The following GPNMB variants were observed in gnomAD, a reference collection of about 807,000 sequenced individuals.
The protein encoded by GPNMB is glycoprotein nmb.
In GPNMB, 71 loss-of-function variants were observed where a neutral mutation model predicts 57.3. That is an observed-to-expected ratio of 1.24 (90% CI 1.02 to 1.51). GPNMB has a LOEUF of 1.51. GPNMB is among the 40% of genes most tolerant of loss of function. GPNMB has a pLI of 0.00. For missense variants in GPNMB, 677 were observed against 691.9 expected (o/e 0.98, Z 0.24); for synonymous variants, 253 against 263.2 (o/e 0.96, Z 0.38).
At position 23,256,962 on chromosome 7, in the gene GPNMB, TG is replaced by T. The variant is rs1386952398; in HGVS notation, c.440del (p.Gly147AlafsTer46). 6.2e-7 allele frequency: 1 copy of T among 1,614,122 alleles called. No individual in the cohort carries two copies. Among genetic ancestry groups the T allele is most frequent in the Non-Finnish European group, 8.5e-7 (1 of 1,179,954 alleles). On this transcript the variant is annotated frameshift_variant, in exon 4 of 11. Transcript: ENST00000258733. LOFTEE classifies it high-confidence loss of function. ...GGTCAGAGGACAGTGACGGGGAAAA[TG>T]GCACCGGCCAAAGCCATCATAACGT... Reference protein sequence around the residue: ...AWSEDSDGENGTGQSHHNVFP... With the variant: ...AWSEDSDGENXTGQSHHNVFP...
At chr7:23,271,343 G>A (rs1374828094) in intron 9 of GPNMB, among the ~76,000 whole-genome samples, 5 of 152,206 alleles carry the variant, frequency 3.3e-5, no homozygotes, top group South Asian at 2.1e-4. Context: ...GGACCCCTGC[G>A]TTAAAGCACT....
At chr7:23,250,474 G>A (rs1782636025) in intron 1 of GPNMB, among the ~76,000 whole-genome samples, 1 of 151,978 alleles carries the variant, frequency 6.6e-6, no homozygotes, top group African/African-American at 2.4e-5. Context: ...GCTTGCCCGT[G>A]GTCCTAGCTA....
chr7:23,255,501 C>G (rs1782755822), intron 3 of GPNMB, among the ~76,000 whole-genome samples: 1 of 152,156 alleles, frequency 6.6e-6, no homozygotes, highest in South Asian at 2.1e-4. Context: ...ATTGTGAATA[C>G]TGCTGCAACA....
At chr7:23,257,407 C>T (rs1238284201) in intron 4 of GPNMB, 3 of 452,660 alleles carry the variant, frequency 6.6e-6, no homozygotes, top group Non-Finnish European at 7.9e-6. Flanking sequence ...GCATGTGGCT[C>T]ACACTTGTAA....
At chr7:23,254,803 A>G (rs1163576015) in intron 3 of GPNMB, among the ~76,000 whole-genome samples, 1 of 152,176 alleles carries the variant, frequency 6.6e-6, no homozygotes, top group African/African-American at 2.4e-5. Flanking sequence ...TAAGCTCTCT[A>G]TCTATGTTAA....
intron 7 of GPNMB, among the ~76,000 whole-genome samples, chr7:23,266,817 T>G (rs1162366805): frequency 6.6e-6 from 1 of 152,222 alleles, no homozygotes; most frequent in East Asian, 1.9e-4. Context: ...TTCCACATCC[T>G]GGTGGAAACA....
intron 3 of GPNMB, among the ~76,000 whole-genome samples, chr7:23,255,377 A>C (rs974995459): frequency 1.3e-5 from 2 of 152,174 alleles, no homozygotes; most frequent in Non-Finnish European, 2.9e-5. Flanking sequence ...AGTTCCATCC[A>C]TGTTGCTGCA....
rs945821333 is a variant in GPNMB at position 23,261,313 on chromosome 7, A to T, written c.1018+540A>T. On this transcript the variant is annotated intron_variant, in intron 6 of 10. Coordinates refer to ENST00000258733, the MANE Select transcript of GPNMB (RefSeq NM_002510.3). ...TTAGCAAGCTGCAGTGACTCCTGAC[A>T]TTAAAATTGTGCTGCATCGTATGTT... Among the ~76,000 whole-genome samples the T allele has an allele frequency of 5.9e-5, 9 of 152,316 alleles. No individual in the cohort carries two copies. The East Asian group carries it at 1.7e-3, about 29-fold the overall frequency.
At chr7:23,270,432 A>G (rs994704757) in intron 9 of GPNMB, among the ~76,000 whole-genome samples, 2 of 152,206 alleles carry the variant, frequency 1.3e-5, no homozygotes, top group Non-Finnish European at 2.9e-5. Flanking sequence ...GTGATCATGG[A>G]CCAGTAACAA....
At chr7:23,261,503 C>T (rs1782921925) in intron 6 of GPNMB, among the ~76,000 whole-genome samples, 1 of 152,118 alleles carries the variant, frequency 6.6e-6, no homozygotes, top group Non-Finnish European at 1.5e-5. Context: ...AAGCTGGAAA[C>T]CATCATTCTG....
intron 1 of GPNMB, among the ~76,000 whole-genome samples, chr7:23,252,320 C>A (rs143617277): frequency 1.3e-5 from 2 of 152,226 alleles, no homozygotes; most frequent in East Asian, 3.9e-4. Context: ...TTTTAAACAT[C>A]CAATTATATG....
intron 7 of GPNMB, 47 bp from the exon 8 acceptor site, chr7:23,267,839 T>C (rs1222323868): frequency 2.4e-6 from 3 of 1,241,430 alleles, no homozygotes; most frequent in Admixed American, 3.4e-5. Context: ...CTTTGTTTGA[T>C]TTCTGTTGTA....
At position 23,274,291 on chromosome 7, in the gene GPNMB, T is replaced by C; in HGVS notation, c.*67T>C. The C allele has an allele frequency of 1.7e-6, 2 of 1,194,972 alleles. No homozygotes were observed. The highest frequency in any genetic ancestry group is 1.2e-6 in the Non-Finnish European group (1 of 826,066). 74.0% of individuals were successfully genotyped at this position (1,194,972 alleles called of 1,614,324 possible). ...ATGTGAGATGTGCTGGAGTGGCTAT[T>C]AACCTTTTTTTCCTAAAGATTATTG... On this transcript the variant is annotated 3_prime_UTR_variant, in exon 11 of 11. Transcript: ENST00000258733.
At chr7:23,250,598 T>C (rs1318969931) in intron 1 of GPNMB, 1 of 152,048 alleles carries the variant, frequency 6.6e-6, no homozygotes, top group Admixed American at 6.6e-5. Context: ...AGCATGCTTG[T>C]GTGGGTCTAT....
intron 8 of GPNMB, 55 bp downstream of exon 8, chr7:23,268,043 C>A: frequency 9.4e-7 from 1 of 1,065,638 alleles, no homozygotes; most frequent in Non-Finnish European, 1.5e-6. Context: ...GACCTCAAGT[C>A]TGAACAAAGG....
rs34346503 is a variant in GPNMB, at chr7:23,272,846, C to CTTTTTTTTTTT, written c.1430-670_1430-660dup. 5.0e-3 allele frequency among the ~76,000 whole-genome samples: 692 copies of CTTTTTTTTTTT among 139,518 alleles called. 20 individuals carry two copies. Among genetic ancestry groups the CTTTTTTTTTTT allele is most frequent in the African/African-American group, 0.018 (662 of 36,434 alleles). 91.5% of individuals were successfully genotyped at this position (139,518 alleles called of 152,430 possible). On this transcript the variant is annotated intron_variant, in intron 9 of 10. Transcript: ENST00000258733. ...CATGGAAAACTTTAAAGGTGGTGAT[C>CTTTTTTTTTTT]TTTTTTTTTTTTTTTGAGGCAAGGT...
chr7:23,269,921 C>A, intron 8 of GPNMB, 46 bp from the exon 9 acceptor site: 1 of 1,304,446 alleles, frequency 7.7e-7, no homozygotes, highest in Non-Finnish European at 1.1e-6. Context: ...TTCCTCTCTC[C>A]CCTTCTCTGT....
At chr7:23,273,687 G>C (rs938569307) in intron 10 of GPNMB, 73 bp downstream of exon 10, 3 of 991,860 alleles carry the variant, frequency 3.0e-6, no homozygotes, top group East Asian at 4.9e-5. Context: ...TGTGTAAATA[G>C]GCATTTTTCC....
rs1284454689 is a variant in GPNMB, at chr7:23,266,571, A to G, written c.1073A>G (p.Gln358Arg). Residue 358 changes from glutamine to arginine, a missense_variant, in exon 7 of 11, where the codon CAG becomes CGG. Physicochemically the swap from Gln to Arg is conservative, Grantham distance 43. Transcript: ENST00000258733. ...ELSRIPDENC[Q>R]INRYGHFQAT... is the part of the protein sequence containing the mutation. ...AGTAGGATTCCTGATGAAAACTGCC[A>G]GATTAACAGATATGGCCACTTTCAA... The G allele has an allele frequency of 6.2e-7, 1 of 1,614,062 alleles. No individual in the cohort carries two copies.
Sources: gnomAD v4.1 joint callset for allele counts (sites outside exome capture counted in the v4.1 genomes callset) on GRCh38, gnomAD v4.1.1 for gene constraint, MANE v1.5 for transcripts, NCBI Gene and HGNC (gene_info 2026-07-23, HGNC 2026-07-21) for gene names.